Variants in CACUL1 observed in about 807,000 individuals in gnomAD.
CACUL1 encodes CDK2-associated and cullin domain-containing protein 1.
CACUL1 carries 13 observed loss-of-function variants against 45.2 expected under a neutral mutation model. The ratio of observed to expected loss-of-function variants is 0.29; its 90% confidence interval spans 0.19 to 0.46. CACUL1 has a LOEUF of 0.46. CACUL1 is among the 20% of genes least tolerant of loss of function. The pLI is 1.00. For missense variants in CACUL1, 421 were observed against 471.4 expected (o/e 0.89, Z 0.99); for synonymous variants, 197 against 174.2 (o/e 1.13, Z -1.03).
In CACUL1 at chr10:118,754,622, G is replaced by C; in HGVS notation, c.141C>G (p.Ala47=). 6.2e-7 allele frequency: 1 copy of C among 1,608,178 alleles called. No homozygotes were observed. Residue 47 remains alanine, a synonymous_variant, in exon 1 of 9, where the codon GCC becomes GCG. Transcript: ENST00000369151. ...PPPPPPSSIP[A]PAREPPGGQL... ...GCCCCCCCGGAGGCTCTCGGGCAGG[G>C]GCCGGGATCGACGAGGGGGGCGGCG...
intron 6 of CACUL1, 26 bp from the exon 7 acceptor site, chr10:118,691,429 A>G: frequency 6.3e-7 from 1 of 1,596,328 alleles, no homozygotes; most frequent in Non-Finnish European, 8.6e-7. Flanking sequence ...ACAATTCATT[A>G]AGGAAATCAT....
At chr10:118,705,324 T>C (rs1845423208) in intron 4 of CACUL1, among the ~76,000 whole-genome samples, 1 of 152,198 alleles carries the variant, frequency 6.6e-6, no homozygotes, top group South Asian at 2.1e-4. Flanking sequence ...TGAGACTCTG[T>C]AGTTTATATT....
rs1187254457 is a variant in CACUL1, at chr10:118,682,746, A to T, written c.*3382T>A. 1 of 152,704 alleles carries T rather than the reference A, an allele frequency of 6.5e-6. No individual in the cohort carries two copies. The highest frequency in any genetic ancestry group is 2.4e-5 in the African/African-American group (1 of 41,468). The allele number at this position is 152,704 out of a possible 1,614,324, so 9.5% of individuals were successfully genotyped here. A position where few individuals can be genotyped will look rare whatever the true frequency, so the allele number is the denominator to read the frequency against. ...GCATGGCACGCAGCCAGGGAGTGGTAGCTGCACAGTGTGAGCACTGGAGAT... is the reference window on the plus strand; with the variant it reads ...GCATGGCACGCAGCCAGGGAGTGGTTGCTGCACAGTGTGAGCACTGGAGAT... On this transcript the variant is annotated 3_prime_UTR_variant, in exon 9 of 9. Transcript: ENST00000369151.
chr10:118,695,256 G>C, intron 5 of CACUL1, 26 bp from the exon 6 acceptor site: 1 of 1,250,728 alleles, frequency 8.0e-7, no homozygotes, highest in Non-Finnish European at 1.2e-6. Flanking sequence ...AGGTTAAAAA[G>C]AATGTAACAC....
chr10:118,715,943 A>T (rs1845538937), intron 3 of CACUL1, among the ~76,000 whole-genome samples: 1 of 152,210 alleles, frequency 6.6e-6, no homozygotes. Flanking sequence ...CTATGGAAAA[A>T]TAACCACTAC....
At chr10:118,694,829 C>T (rs1461859994) in intron 6 of CACUL1, 4 of 246,878 alleles carry the variant, frequency 1.6e-5, no homozygotes, top group Admixed American at 4.7e-5. Context: ...GTATGTGCAG[C>T]GTGAGGCAGG....
intron 1 of CACUL1, among the ~76,000 whole-genome samples, chr10:118,733,180 G>A (rs1589616160): frequency 1.3e-5 from 2 of 152,186 alleles, no homozygotes; most frequent in African/African-American, 2.4e-5. Flanking sequence ...AAACCAAAAT[G>A]TAAAGTCCTG....
chr10:118,739,064 C>T (rs936323486), intron 1 of CACUL1, among the ~76,000 whole-genome samples: 3 of 151,596 alleles, frequency 2.0e-5, no homozygotes, highest in Non-Finnish European at 4.4e-5. Context: ...GGCATGGTGG[C>T]GGGCACCTGT....
chr10:118,708,533 C>T (rs575075495), intron 3 of CACUL1, among the ~76,000 whole-genome samples: 1 of 152,240 alleles, frequency 6.6e-6, no homozygotes, highest in African/African-American at 2.4e-5. Context: ...GAGAACACTA[C>T]CAACTTTTTT....
At chr10:118,731,860 G>A (rs1024889898) in intron 1 of CACUL1, among the ~76,000 whole-genome samples, 6 of 152,038 alleles carry the variant, frequency 3.9e-5, no homozygotes, top group Non-Finnish European at 7.4e-5. Context: ...AGGCTGTAGT[G>A]GTAAAGATGA....
At chr10:118,708,455 C>G (rs1411089316) in intron 3 of CACUL1, among the ~76,000 whole-genome samples, 1 of 152,234 alleles carries the variant, frequency 6.6e-6, no homozygotes, top group South Asian at 2.1e-4. Flanking sequence ...CTCTGTAGAG[C>G]AGTAAAACAC....
Position 118,679,476 on chromosome 10 carries a change from A to AAAG in CACUL1, c.*6649_*6651dup, listed in dbSNP as rs1845130974. ...AGTGATCCACCTGCCTCAGCCTCCCAAAGTATTGACATTACAGGCAAGAGC... is the reference window on the plus strand; with the variant it reads ...AGTGATCCACCTGCCTCAGCCTCCCAAAGAAGTATTGACATTACAGGCAAGAGC... On this transcript the variant is annotated 3_prime_UTR_variant, in exon 9 of 9. Coordinates refer to ENST00000369151, the MANE Select transcript of CACUL1 (RefSeq NM_153810.5). 2 of 151,714 alleles carry AAAG rather than the reference A, an allele frequency of 1.3e-5. No individual in the cohort carries two copies. The highest frequency in any genetic ancestry group is 1.3e-4 in the Admixed American group (2 of 15,202). The allele number at this position is 151,714 out of a possible 1,614,324, so 9.4% of individuals were successfully genotyped here.
chr10:118,747,570 C>CAA (rs5788317), intron 1 of CACUL1, among the ~76,000 whole-genome samples: 5 of 114,222 alleles, frequency 4.4e-5, no homozygotes, highest in Non-Finnish European at 9.3e-5. Context: ...TTGGGATATC[C>CAA]AAAAAAAAAA....
At chr10:118,729,746 G>A (rs533709028) in intron 2 of CACUL1, among the ~76,000 whole-genome samples, 55 of 152,312 alleles carry the variant, frequency 3.6e-4, no homozygotes, top group Middle Eastern at 3.4e-3. Flanking sequence ...GGAAGAGAGA[G>A]TGGTTGATAA....
rs1845130203 is a variant in CACUL1, at chr10:118,679,379, TTTTA to T, written c.*6745_*6748del. On this transcript the variant is annotated 3_prime_UTR_variant, in exon 9 of 9. Transcript: ENST00000369151. Reference sequence around the variant, plus strand: ...CATGCCTAATTTTTTTTTAATTTATTTTTATTTTTTATTTTTTGTAGAGACAGGG... The same window carrying T: ...CATGCCTAATTTTTTTTTAATTTATTTTTTTTATTTTTTGTAGAGACAGGG... 6.6e-6 allele frequency: 1 copy of T among 151,688 alleles called. No individual in the cohort carries two copies. Among genetic ancestry groups the T allele is most frequent in the Admixed American group, 6.6e-5 (1 of 15,208 alleles). 9.4% of individuals were successfully genotyped at this position (151,688 alleles called of 1,614,324 possible).
intron 3 of CACUL1, among the ~76,000 whole-genome samples, chr10:118,710,726 C>T (rs1316291767): frequency 6.6e-6 from 1 of 152,126 alleles, no homozygotes; most frequent in Admixed American, 6.5e-5. Flanking sequence ...TGTATATCTC[C>T]GGTGCTGACC....
chr10:118,754,773 C>T lies in CACUL1; in HGVS notation c.-11G>A, dbSNP rs760585101. On this transcript the variant is annotated 5_prime_UTR_variant, in exon 1 of 9. Coordinates refer to ENST00000369151, the MANE Select transcript of CACUL1 (RefSeq NM_153810.5). ...CATGCTTTCCTCCATCCTGCTGGCC[C>T]CCGGCACCCGCCCGCCTCACAGGCA... The T allele has an allele frequency of 6.5e-6, 10 of 1,543,418 alleles. No homozygotes were observed. The highest frequency in any genetic ancestry group is 1.4e-5 in the African/African-American group (1 of 70,124).
chr10:118,700,309 G>A (rs992037015), intron 5 of CACUL1, among the ~76,000 whole-genome samples: 2 of 152,082 alleles, frequency 1.3e-5, no homozygotes, highest in African/African-American at 4.8e-5. Context: ...AGGACGCTGA[G>A]GACACTGAGA....
intron 1 of CACUL1, among the ~76,000 whole-genome samples, chr10:118,734,876 T>C (rs1845726702): frequency 6.6e-6 from 1 of 152,232 alleles, no homozygotes; most frequent in Admixed American, 6.5e-5. Context: ...AGCTGGAATC[T>C]TCATTCAGGA....
Sources: allele counts gnomAD v4.1 joint callset (sites outside exome capture counted in the v4.1 genomes callset), GRCh38; gene constraint gnomAD v4.1.1; transcripts MANE v1.5; gene names NCBI Gene and HGNC (gene_info 2026-07-23, HGNC 2026-07-21).